The following AFTPH variants were observed in gnomAD, a reference collection of about 807,000 sequenced individuals.
AFTPH encodes the protein aftiphilin.
In AFTPH, 7 loss-of-function variants were observed where a neutral mutation model predicts 72.5. That is an observed-to-expected ratio of 0.10 (90% CI 0.05 to 0.18). AFTPH has a LOEUF of 0.18. AFTPH is among the 10% of genes least tolerant of loss of function. The probability of loss-of-function intolerance (pLI) is 1.00; values close to 1 mark genes in which losing one functional copy is unlikely to be tolerated. For missense variants in AFTPH, 979 were observed against 1,060.5 expected (o/e 0.92, Z 1.07); for synonymous variants, 337 against 370.1 (o/e 0.91, Z 1.03).
intron 7 of AFTPH, among the ~76,000 whole-genome samples, chr2:64,583,933 A>AT (rs925172213): frequency 3.9e-5 from 6 of 152,030 alleles, no homozygotes; most frequent in Admixed American, 6.5e-5. Context: ...TGATTTTTTA[A>AT]TTTTTTAATA....
At chr2:64,549,114 A>G (rs1257704932) in intron 1 of AFTPH, among the ~76,000 whole-genome samples, 2 of 152,190 alleles carry the variant, frequency 1.3e-5, no homozygotes, top group East Asian at 1.9e-4. Context: ...TGTGGTTTCT[A>G]CGGTACCTTC....
At chr2:64,559,930 C>T (rs1415547944) in intron 2 of AFTPH, among the ~76,000 whole-genome samples, 1 of 152,152 alleles carries the variant, frequency 6.6e-6, no homozygotes, top group Non-Finnish European at 1.5e-5. Context: ...TCTCCAACTC[C>T]TGGGCTCAAG....
At chr2:64,546,258 A>G (rs1275313728) in intron 1 of AFTPH, among the ~76,000 whole-genome samples, 2 of 152,148 alleles carry the variant, frequency 1.3e-5, no homozygotes, top group Admixed American at 6.5e-5. Flanking sequence ...TAATGTACCA[A>G]CATTGTCATG....
rs556428442 is a variant in AFTPH at position 64,548,791 on chromosome 2, C to G, written c.-32-2652C>G. ...GGAACAAAATAGGATTTGTGTGTAT[C>G]TTGTACTTTTTTTTTTCTATTTAAA... On this transcript the variant is annotated intron_variant, in intron 1 of 8. Transcript: ENST00000238856. 2.0e-5 allele frequency among the ~76,000 whole-genome samples: 3 copies of G among 152,086 alleles called. No homozygotes were observed. In the South Asian group the frequency reaches 6.2e-4, roughly 32 times the overall value.
chr2:64,560,193 C>T (rs573051174), intron 2 of AFTPH, among the ~76,000 whole-genome samples: 1 of 152,266 alleles, frequency 6.6e-6, no homozygotes, highest in East Asian at 1.9e-4. Context: ...GGCTTACTTG[C>T]ACCAGTGGAT....
intron 6 of AFTPH, among the ~76,000 whole-genome samples, chr2:64,575,853 C>T (rs1428431200): frequency 6.6e-6 from 1 of 151,596 alleles, no homozygotes; most frequent in Non-Finnish European, 1.5e-5. Context: ...ATTCTCCTGC[C>T]TCAGCCTCCC....
chr2:64,562,789 A>G (rs991872541), intron 2 of AFTPH, among the ~76,000 whole-genome samples: 1 of 152,206 alleles, frequency 6.6e-6, no homozygotes, highest in Admixed American at 6.6e-5. Flanking sequence ...TTCAGAGTAC[A>G]TCTTTTGATC....
chr2:64,573,116 C>T lies in AFTPH; in HGVS notation c.2394+48C>T, dbSNP rs765738182. 7 of 1,368,074 alleles carry T rather than the reference C, an allele frequency of 5.1e-6. No homozygotes were observed. The South Asian group carries it at 7.8e-5, about 15-fold the overall frequency. The allele number at this position is 1,368,074 out of a possible 1,614,324, so 84.7% of individuals were successfully genotyped here. A position where few individuals can be genotyped will look rare whatever the true frequency, so the allele number is the denominator to read the frequency against. On this transcript the variant is annotated intron_variant, in intron 6 of 8. Transcript: ENST00000238856. ...AAATATGTTTATGCGTGTATATACA[C>T]ATATATCCACACATACTGCCTTTTT...
intron 8 of AFTPH, among the ~76,000 whole-genome samples, chr2:64,589,703 C>T (rs955698519): frequency 6.6e-6 from 1 of 151,994 alleles, no homozygotes; most frequent in Admixed American, 6.6e-5. Flanking sequence ...TTATTTTTTG[C>T]TGTCTGTTCC....
intron 1 of AFTPH, among the ~76,000 whole-genome samples, chr2:64,548,043 A>C (rs943062315): frequency 4.8e-5 from 7 of 146,858 alleles, no homozygotes; most frequent in African/African-American, 1.7e-4. Context: ...CACCCTCCTC[A>C]GCCCCCCAAA....
At chr2:64,551,827 C>G in exon 2 of AFTPH, 1 of 1,613,466 alleles carries the variant, frequency 6.2e-7, no homozygotes, top group Non-Finnish European at 8.5e-7. Flanking sequence ...ATAATTTCAT[C>G]TGAAATGTTA....
At chr2:64,588,488 T>C (rs571165599) in intron 8 of AFTPH, among the ~76,000 whole-genome samples, 1 of 152,334 alleles carries the variant, frequency 6.6e-6, no homozygotes, top group African/African-American at 2.4e-5. Flanking sequence ...CTAACTTCTT[T>C]GGGGAACTGC....
chr2:64,573,096 T>C, intron 6 of AFTPH, 28 bp downstream of exon 6: 1 of 1,567,182 alleles, frequency 6.4e-7, no homozygotes, highest in Non-Finnish European at 8.8e-7. Context: ...TGTATAAATA[T>C]GTTTATGCGT....
intron 5 of AFTPH, among the ~76,000 whole-genome samples, chr2:64,569,930 C>T (rs1672316028): frequency 6.6e-6 from 1 of 152,064 alleles, no homozygotes; most frequent in Admixed American, 6.5e-5. Flanking sequence ...GCATATATAA[C>T]TGTAAAATGC....
chr2:64,550,218 C>A (rs1405961281), intron 1 of AFTPH, among the ~76,000 whole-genome samples: 1 of 152,132 alleles, frequency 6.6e-6, no homozygotes, highest in Non-Finnish European at 1.5e-5. Context: ...TACATCTATA[C>A]AATGGAATGC....
At chr2:64,543,774 G>T (rs1670396802) in intron 1 of AFTPH, among the ~76,000 whole-genome samples, 1 of 152,156 alleles carries the variant, frequency 6.6e-6, no homozygotes, top group African/African-American at 2.4e-5. Flanking sequence ...TCAGACAGTT[G>T]TTGGCCCCAT....
intron 1 of AFTPH, among the ~76,000 whole-genome samples, chr2:64,550,730 CAA>C (rs1491126774): frequency 4.3e-5 from 6 of 140,262 alleles, no homozygotes; most frequent in African/African-American, 1.4e-4. Flanking sequence ...CACACACACA[CAA>C]CTGGTGAAAT....
chr2:64,544,595 CT>C (rs1670452653), intron 1 of AFTPH, among the ~76,000 whole-genome samples: 1 of 140,202 alleles, frequency 7.1e-6, no homozygotes, highest in South Asian at 2.2e-4. Context: ...TTTTTTTCCC[CT>C]GTTGAGCAGG....
chr2:64,529,659 T>C (rs1025677405), intron 1 of AFTPH, among the ~76,000 whole-genome samples: 4 of 149,392 alleles, frequency 2.7e-5, no homozygotes, highest in African/African-American at 7.4e-5. Context: ...AGACAGAGTC[T>C]CACTGTGTCA....
Sources: gnomAD v4.1 joint callset for allele counts (sites outside exome capture counted in the v4.1 genomes callset) on GRCh38, gnomAD v4.1.1 for gene constraint, MANE v1.5 for transcripts, NCBI Gene and HGNC (gene_info 2026-07-23, HGNC 2026-07-21) for gene names.